TECRL: variants seen among roughly 807,000 people sequenced by gnomAD.
TECRL encodes trans-2,3-enoyl-CoA reductase like.
A neutral mutation model predicts 52.8 loss-of-function variants in TECRL; 63 were observed. The observed-to-expected ratio is 1.19, with a 90% CI of 0.97 to 1.47. The LOEUF is 1.47. TECRL is among the 40% of genes most tolerant of loss of function. The probability of loss-of-function intolerance (pLI) is 0.00; values close to 1 mark genes in which losing one functional copy is unlikely to be tolerated. For missense variants in TECRL, 482 were observed against 429.6 expected, an observed-to-expected ratio of 1.12 and a Z score of -1.08; for synonymous variants, 164 against 141.9, an observed-to-expected ratio of 1.16 and a Z score of -1.10.
At chr4:64,317,639 A>G (rs1213401302) in intron 4 of TECRL, among the ~76,000 whole-genome samples, 1 of 152,236 alleles carries the variant, frequency 6.6e-6, no homozygotes, top group African/African-American at 2.4e-5. Flanking sequence ...TGAAGTTAGT[A>G]TCCTGCTAGA....
intron 2 of TECRL, among the ~76,000 whole-genome samples, chr4:64,365,906 A>C (rs1335713976): frequency 1.3e-5 from 2 of 152,184 alleles, no homozygotes; most frequent in Non-Finnish European, 2.9e-5. Flanking sequence ...TGTAAAACCA[A>C]TAAAGATCCC....
At chr4:64,308,252 C>G (rs569749636) in intron 6 of TECRL, among the ~76,000 whole-genome samples, 1 of 152,206 alleles carries the variant, frequency 6.6e-6, no homozygotes, top group South Asian at 2.1e-4. Flanking sequence ...AGAATTTCCT[C>G]TTATACCAAG....
chr4:64,281,754 A>C (rs1722840891), intron 9 of TECRL, among the ~76,000 whole-genome samples, 195 bp from the exon 10 acceptor site: 1 of 151,936 alleles, frequency 6.6e-6, no homozygotes, highest in Non-Finnish European at 1.5e-5. Flanking sequence ...CTCAAATAAA[A>C]TAGCTGTCAT....
chr4:64,347,404 A>C (rs1225834626), intron 2 of TECRL, among the ~76,000 whole-genome samples: 1 of 152,206 alleles, frequency 6.6e-6, no homozygotes, highest in Non-Finnish European at 1.5e-5. Context: ...TGTGTTCATA[A>C]ATTTAATGCC....
chr4:64,317,543 C>A (rs756666790), intron 4 of TECRL, among the ~76,000 whole-genome samples: 55 of 152,196 alleles, frequency 3.6e-4, no homozygotes, highest in Non-Finnish European at 5.0e-4. Context: ...ACCTTAATCT[C>A]CTGAAGATAA....
At chr4:64,308,658 A>G (rs781314326) in intron 6 of TECRL, among the ~76,000 whole-genome samples, 7 of 152,156 alleles carry the variant, frequency 4.6e-5, no homozygotes, top group Non-Finnish European at 7.4e-5. Context: ...ATCACTGTCT[A>G]GTGGCCATGT....
chr4:64,387,606 G>T (rs558758841), intron 1 of TECRL, among the ~76,000 whole-genome samples: 4 of 152,066 alleles, frequency 2.6e-5, no homozygotes, highest in Admixed American at 2.0e-4. Context: ...TTTCTATAAG[G>T]TTCACAGTAA....
intron 2 of TECRL, among the ~76,000 whole-genome samples, chr4:64,338,268 T>C (rs992813876): frequency 2.0e-5 from 3 of 152,174 alleles, no homozygotes; most frequent in Non-Finnish European, 4.4e-5. Flanking sequence ...TTACACCTTA[T>C]ACAAAAATTA....
intron 2 of TECRL, among the ~76,000 whole-genome samples, chr4:64,337,901 T>C (rs1254149186): frequency 6.6e-6 from 1 of 152,116 alleles, no homozygotes; most frequent in Non-Finnish European, 1.5e-5. Context: ...AAGCAATCAA[T>C]GACTTTCTTC....
chr4:64,391,072 C>G (rs1348664399), intron 1 of TECRL, among the ~76,000 whole-genome samples: 4 of 151,786 alleles, frequency 2.6e-5, no homozygotes, highest in Non-Finnish European at 4.4e-5. Context: ...TTAAATTTAA[C>G]TATGTGGATT....
At chr4:64,302,122 C>T (rs1413696962) in intron 7 of TECRL, among the ~76,000 whole-genome samples, 1 of 151,154 alleles carries the variant, frequency 6.6e-6, no homozygotes, top group African/African-American at 2.4e-5. Flanking sequence ...GGCAGTTTTA[C>T]AATTTTGATA....
At position 64,289,896 on chromosome 4, in the gene TECRL, C is replaced by A. The variant is rs188379844; in HGVS notation, c.775-129G>T. Reference sequence around the variant, plus strand: ...AGATTCAAAAGATATATATTTTATTCTAATCATAAAGAGAAATTTTTTTTA... The same window carrying A: ...AGATTCAAAAGATATATATTTTATTATAATCATAAAGAGAAATTTTTTTTA... On this transcript the variant is annotated intron_variant, in intron 8 of 11. Transcript: ENST00000381210. The A allele has an allele frequency of 2.8e-4, 154 of 540,936 alleles. No homozygotes were observed. In the Middle Eastern group the frequency reaches 2.9e-3, roughly 10 times the overall value. The allele number at this position is 540,936 out of a possible 1,614,324, so 33.5% of individuals were successfully genotyped here.
chr4:64,292,437 C>T (rs1191323444), intron 8 of TECRL, among the ~76,000 whole-genome samples: 1 of 151,906 alleles, frequency 6.6e-6, no homozygotes, highest in East Asian at 1.9e-4. Flanking sequence ...ATATTCTAGA[C>T]AATAAACACA....
downstream of TECRL, chr4:64,276,853 A>G (rs935402786): frequency 5.3e-6 from 2 of 377,424 alleles, no homozygotes; most frequent in African/African-American, 4.1e-5. Flanking sequence ...GCACATTTAC[A>G]CACATACCCA....
chr4:64,283,662 G>A (rs918920075), intron 9 of TECRL, among the ~76,000 whole-genome samples: 2 of 152,024 alleles, frequency 1.3e-5, no homozygotes, highest in African/African-American at 4.8e-5. Flanking sequence ...GGCTCGAAGA[G>A]GGCAGAAAAA....
intron 2 of TECRL, among the ~76,000 whole-genome samples, chr4:64,368,013 A>G (rs1318417393): frequency 1.3e-5 from 2 of 152,060 alleles, no homozygotes; most frequent in Admixed American, 6.6e-5. Flanking sequence ...TGGTAGTGTT[A>G]ATCTCAATCT....
chr4:64,359,348 A>T (rs978949378), intron 2 of TECRL, among the ~76,000 whole-genome samples: 1 of 152,018 alleles, frequency 6.6e-6, no homozygotes, highest in African/African-American at 2.4e-5. Flanking sequence ...CACCATCCAG[A>T]TATCTATCTC....
At chr4:64,367,538 C>A (rs2109643065) in intron 2 of TECRL, among the ~76,000 whole-genome samples, 1 of 128,522 alleles carries the variant, frequency 7.8e-6, no homozygotes, top group South Asian at 3.1e-4. Flanking sequence ...ACATAAAATT[C>A]TCATCACTTA....
At chr4:64,330,535 G>T (rs1718566701) in intron 2 of TECRL, among the ~76,000 whole-genome samples, 1 of 152,002 alleles carries the variant, frequency 6.6e-6, no homozygotes, top group Non-Finnish European at 1.5e-5. Flanking sequence ...GAGCGTGGTG[G>T]TTCACACCTG....
Sources: gnomAD v4.1 joint callset for allele counts (sites outside exome capture counted in the v4.1 genomes callset) on GRCh38, gnomAD v4.1.1 for gene constraint, MANE v1.5 for transcripts, NCBI Gene and HGNC (gene_info 2026-07-23, HGNC 2026-07-21) for gene names.